PCDH9: variants seen among roughly 807,000 people sequenced by gnomAD.
The protein encoded by PCDH9 is protocadherin-9.
PCDH9 carries 24 observed loss-of-function variants against 70.6 expected under a neutral mutation model. The observed-to-expected ratio is 0.34, with a 90% CI of 0.25 to 0.48. The LOEUF is 0.48. PCDH9 is among the 20% of genes least tolerant of loss of function. The pLI is 0.99. For missense variants in PCDH9, 1,281 were observed against 1,503.6 expected (o/e 0.85, Z 2.45); for synonymous variants, 562 against 558.5 (o/e 1.01, Z -0.09).
chr13:67,024,042 G>GT (rs1358071083), intron 2 of PCDH9, among the ~76,000 whole-genome samples: 1 of 152,092 alleles, frequency 6.6e-6, no homozygotes, highest in Non-Finnish European at 1.5e-5. Context: ...GGTTGCTGTA[G>GT]TTTTTTGTGC....
At chr13:66,569,466 C>A (rs1372142942) in intron 4 of PCDH9, among the ~76,000 whole-genome samples, 9 of 152,074 alleles carry the variant, frequency 5.9e-5, no homozygotes, top group South Asian at 2.1e-4. Flanking sequence ...AATTATATGT[C>A]TTTTCCACTT....
rs747166582 is a variant in PCDH9 at position 66,890,609 on chromosome 13, C to G, written c.3138+12895G>C. 1.0e-3 allele frequency among the ~76,000 whole-genome samples: 158 copies of G among 151,944 alleles called. 2 individuals are homozygous for G. The highest frequency in any genetic ancestry group is 2.4e-4 in the Non-Finnish European group (16 of 67,966). On this transcript the variant is annotated intron_variant, in intron 3 of 4. Coordinates refer to ENST00000377865, the MANE Select transcript of PCDH9 (RefSeq NM_203487.3). ...AGTCATCCCTTTGAAATGAATTCATCAAGAAAGATAGCACCCCTATCTCCT... is the reference window on the plus strand; with the variant it reads ...AGTCATCCCTTTGAAATGAATTCATGAAGAAAGATAGCACCCCTATCTCCT...
At chr13:66,935,200 A>G (rs2082896062) in intron 2 of PCDH9, among the ~76,000 whole-genome samples, 1 of 151,930 alleles carries the variant, frequency 6.6e-6, no homozygotes, top group Non-Finnish European at 1.5e-5. Context: ...AGCTGGGACT[A>G]CAGGCATGCA....
At chr13:66,502,731 A>G (rs1268390713) in intron 4 of PCDH9, among the ~76,000 whole-genome samples, 3 of 152,206 alleles carry the variant, frequency 2.0e-5, no homozygotes, top group Non-Finnish European at 4.4e-5. Context: ...ATCCCACTCT[A>G]AAATGTTGCT....
intron 2 of PCDH9, chr13:67,203,775 C>A (rs934062381): frequency 4.6e-5 from 7 of 151,722 alleles, no homozygotes; most frequent in African/African-American, 1.7e-4. Context: ...AAGAGCTTAC[C>A]AAATTAAAGT....
At chr13:67,104,140 C>T (rs148524428) in intron 2 of PCDH9, among the ~76,000 whole-genome samples, 5 of 152,264 alleles carry the variant, frequency 3.3e-5, no homozygotes, top group Non-Finnish European at 7.4e-5. Flanking sequence ...CAACTGACAG[C>T]ACCACATCTA....
At chr13:67,074,317 G>A (rs953602391) in intron 2 of PCDH9, among the ~76,000 whole-genome samples, 10 of 152,186 alleles carry the variant, frequency 6.6e-5, no homozygotes, top group Admixed American at 5.9e-4. Flanking sequence ...TTCCCCAGAT[G>A]AGGACACAAC....
intron 4 of PCDH9, among the ~76,000 whole-genome samples, chr13:66,406,936 T>C (rs1041492275): frequency 6.6e-6 from 1 of 152,174 alleles, no homozygotes; most frequent in Non-Finnish European, 1.5e-5. Context: ...AAAATTTCTA[T>C]TTTCTCTGAT....
chr13:67,107,814 A>C (rs2086577712), intron 2 of PCDH9, among the ~76,000 whole-genome samples: 1 of 152,186 alleles, frequency 6.6e-6, no homozygotes, highest in African/African-American at 2.4e-5. Flanking sequence ...ACAAGGAGAG[A>C]AGAGCTACAG....
intron 2 of PCDH9, among the ~76,000 whole-genome samples, chr13:67,054,775 G>A (rs2085386634): frequency 6.6e-6 from 1 of 152,028 alleles, no homozygotes. Flanking sequence ...AGAAATAACA[G>A]GCCCAAAATC....
At chr13:67,098,521 A>G (rs1386501682) in intron 2 of PCDH9, among the ~76,000 whole-genome samples, 1 of 152,134 alleles carries the variant, frequency 6.6e-6, no homozygotes, top group East Asian at 1.9e-4. Context: ...TGTCACAATT[A>G]TTTTTAAGTT....
chr13:66,841,224 C>T (rs577183207), intron 3 of PCDH9, among the ~76,000 whole-genome samples: 4 of 152,140 alleles, frequency 2.6e-5, no homozygotes, highest in Non-Finnish European at 4.4e-5. Context: ...TTACAACAGC[C>T]TACAGCCACC....
At chr13:66,357,431 G>A (rs560130180) in intron 4 of PCDH9, among the ~76,000 whole-genome samples, 12 of 152,160 alleles carry the variant, frequency 7.9e-5, no homozygotes, top group Admixed American at 2.0e-4. Flanking sequence ...CCCCATAAAA[G>A]TAGGGAGTGC....
chr13:66,892,242 GTATATA>G, intron 3 of PCDH9, among the ~76,000 whole-genome samples: 1 of 145,048 alleles, frequency 6.9e-6, no homozygotes, highest in Non-Finnish European at 1.5e-5. Flanking sequence ...ATGTGTGTGT[GTATATA>G]TATATACACA....
chr13:67,005,248 A>C (rs193205428), intron 2 of PCDH9, among the ~76,000 whole-genome samples: 24 of 152,124 alleles, frequency 1.6e-4, no homozygotes, highest in African/African-American at 5.5e-4. Flanking sequence ...CTTTAAAAAA[A>C]AAAAGTTGTA....
At chr13:66,539,529 A>G (rs1199740095) in intron 4 of PCDH9, among the ~76,000 whole-genome samples, 2 of 152,064 alleles carry the variant, frequency 1.3e-5, no homozygotes, top group Admixed American at 6.6e-5. Context: ...CTGCTGCCAT[A>G]ATATTGGGAG....
chr13:66,472,072 C>T (rs1252688159), intron 4 of PCDH9, among the ~76,000 whole-genome samples: 2 of 151,484 alleles, frequency 1.3e-5, no homozygotes, highest in South Asian at 4.2e-4. Flanking sequence ...ATTAGCTGGG[C>T]GTGGTGGTGG....
intron 2 of PCDH9, among the ~76,000 whole-genome samples, chr13:66,920,079 C>T (rs1258382993): frequency 6.6e-6 from 1 of 150,920 alleles, no homozygotes; most frequent in Non-Finnish European, 1.5e-5. Context: ...AGAATAAGCA[C>T]TGGCATACTA....
chr13:67,060,946 CAAAT>C (rs2085527801), intron 2 of PCDH9, among the ~76,000 whole-genome samples: 1 of 151,988 alleles, frequency 6.6e-6, no homozygotes, highest in African/African-American at 2.4e-5. Flanking sequence ...CTTTATTTGA[CAAAT>C]AAATTCTGGT....
Sources: gnomAD v4.1 joint callset for allele counts (sites outside exome capture counted in the v4.1 genomes callset) on GRCh38, gnomAD v4.1.1 for gene constraint, MANE v1.5 for transcripts, NCBI Gene and HGNC (gene_info 2026-07-23, HGNC 2026-07-21) for gene names.